Variants in ENTREP2 observed in about 807,000 individuals in gnomAD.
ENTREP2 encodes the protein protein ENTREP2.
At chr15:29,639,310 T>A in the ENTREP2 span, among the ~76,000 whole-genome samples, 139 of 152,308 alleles carry the variant, frequency 9.1e-4, 2 homozygotes, top group Non-Finnish European at 7.5e-4. Flanking sequence ...TACACAAAAT[T>A]GTCATTTGCC....
At chr15:29,541,330 G>A in the ENTREP2 span, among the ~76,000 whole-genome samples, 17 of 152,186 alleles carry the variant, frequency 1.1e-4, no homozygotes, top group Non-Finnish European at 1.9e-4. Context: ...GGCCAAGCAC[G>A]GTCCTAGAAA....
the ENTREP2 span, among the ~76,000 whole-genome samples, chr15:29,377,277 T>C: frequency 1.3e-5 from 2 of 152,136 alleles, no homozygotes; most frequent in Non-Finnish European, 2.9e-5. Context: ...TCACACGTCA[T>C]CTGGAAAACC....
the ENTREP2 span, among the ~76,000 whole-genome samples, chr15:29,599,531 A>G: frequency 8.5e-3 from 1,297 of 152,336 alleles, 11 homozygotes; most frequent in African/African-American, 0.03. Context: ...TCCTGGGTCC[A>G]CTACCTAACA....
chr15:29,283,229 C>A, the ENTREP2 span, among the ~76,000 whole-genome samples: 1 of 152,208 alleles, frequency 6.6e-6, no homozygotes, highest in Non-Finnish European at 1.5e-5. Flanking sequence ...GTACCAAGGA[C>A]AATTCAGCTC....
the ENTREP2 span, among the ~76,000 whole-genome samples, chr15:29,395,140 G>A: frequency 5.9e-5 from 9 of 151,286 alleles, no homozygotes; most frequent in Non-Finnish European, 8.9e-5. Context: ...CGCCCGCCTC[G>A]GCCTCCCAAA....
the ENTREP2 span, among the ~76,000 whole-genome samples, chr15:29,293,201 G>T: frequency 6.6e-6 from 1 of 152,104 alleles, no homozygotes; most frequent in Non-Finnish European, 1.5e-5. Context: ...TTTTTGGGTT[G>T]TAAGTGATAG....
At chr15:29,409,839 C>T in the ENTREP2 span, among the ~76,000 whole-genome samples, 1 of 152,260 alleles carries the variant, frequency 6.6e-6, no homozygotes, top group East Asian at 1.9e-4. Context: ...ATTAGTTCTG[C>T]TTAGCCATGA....
the ENTREP2 span, among the ~76,000 whole-genome samples, chr15:29,411,219 T>G: frequency 6.6e-6 from 1 of 152,176 alleles, no homozygotes; most frequent in East Asian, 1.9e-4. Context: ...TGCTTATGAG[T>G]AGAACTGCAG....
the ENTREP2 span, among the ~76,000 whole-genome samples, chr15:29,424,172 C>G: frequency 4.6e-5 from 7 of 152,098 alleles, no homozygotes; most frequent in African/African-American, 1.4e-4. Context: ...TAATGCAAAC[C>G]CAAAGAGTGA....
chr15:29,366,075 CTAT>C, the ENTREP2 span, among the ~76,000 whole-genome samples: 1 of 152,006 alleles, frequency 6.6e-6, no homozygotes, highest in Non-Finnish European at 1.5e-5. Flanking sequence ...TATGTCATTA[CTAT>C]TATTATTATT....
the ENTREP2 span, among the ~76,000 whole-genome samples, chr15:29,355,670 G>A: frequency 6.6e-6 from 1 of 152,156 alleles, no homozygotes; most frequent in Non-Finnish European, 1.5e-5. Context: ...CAGAAAAACT[G>A]ATTGCTCAAG....
At chr15:29,271,116 G>C in the ENTREP2 span, among the ~76,000 whole-genome samples, 1 of 152,154 alleles carries the variant, frequency 6.6e-6, no homozygotes, top group African/African-American at 2.4e-5. Flanking sequence ...ATGAACTAAT[G>C]CAAGTATGCT....
the ENTREP2 span, among the ~76,000 whole-genome samples, chr15:29,178,850 A>T: frequency 6.6e-6 from 1 of 152,192 alleles, no homozygotes; most frequent in East Asian, 1.9e-4. Flanking sequence ...AACATTTTTT[A>T]AAAGGGAAAG....
chr15:29,134,868 A>G, the ENTREP2 span, among the ~76,000 whole-genome samples: 1 of 152,124 alleles, frequency 6.6e-6, no homozygotes, highest in Non-Finnish European at 1.5e-5. Flanking sequence ...GGTGACATCA[A>G]AAGGTCTGAA....
the ENTREP2 span, among the ~76,000 whole-genome samples, chr15:29,157,177 G>A: frequency 2.0e-5 from 3 of 152,202 alleles, no homozygotes; most frequent in African/African-American, 7.2e-5. Flanking sequence ...CTGACCCACT[G>A]AGATGTTGGC....
the ENTREP2 span, among the ~76,000 whole-genome samples, chr15:29,255,112 A>T: frequency 0.026 from 3,909 of 152,234 alleles, 188 homozygotes; most frequent in African/African-American, 0.089. Flanking sequence ...ATAGTACAGG[A>T]TCATCTTACA....
At chr15:29,645,983 G>C in the ENTREP2 span, among the ~76,000 whole-genome samples, 4 of 152,146 alleles carry the variant, frequency 2.6e-5, no homozygotes, top group South Asian at 2.1e-4. Flanking sequence ...TTTCCTGACT[G>C]TGGCAGGTCA....
At chr15:29,261,251 G>A in the ENTREP2 span, among the ~76,000 whole-genome samples, 4 of 152,306 alleles carry the variant, frequency 2.6e-5, no homozygotes, top group South Asian at 4.1e-4. Context: ...GGTGGTGCTC[G>A]CCTGTAATCC....
chr15:29,337,829 C>T, the ENTREP2 span, among the ~76,000 whole-genome samples: 1 of 152,122 alleles, frequency 6.6e-6, no homozygotes, highest in Non-Finnish European at 1.5e-5. Context: ...GTAGCAATTT[C>T]CCTATGATCC....
Sources: gnomAD v4.1 joint callset for allele counts (sites outside exome capture counted in the v4.1 genomes callset) on GRCh38, gnomAD v4.1.1 for gene constraint, MANE v1.5 for transcripts, NCBI Gene and HGNC (gene_info 2026-07-23, HGNC 2026-07-21) for gene names.